SEL1L2: variants seen among roughly 807,000 people sequenced by gnomAD.
SEL1L2 encodes the protein SEL1L2 adaptor subunit of SYVN1 ubiquitin ligase.
In SEL1L2, 89 loss-of-function variants were observed where a neutral mutation model predicts 98.8. That is an observed-to-expected ratio of 0.90 (90% CI 0.76 to 1.07). The LOEUF (loss-of-function observed/expected upper bound fraction) is 1.07. Among genes scored for constraint, SEL1L2 ranks in the 50% least tolerant of loss-of-function variants. The pLI, the probability that SEL1L2 is intolerant of heterozygous loss-of-function variation, is 0.00. For missense variants in SEL1L2, 788 were observed against 812.0 expected, an observed-to-expected ratio of 0.97 and a Z score of 0.36; for synonymous variants, 262 against 278.5, an observed-to-expected ratio of 0.94 and a Z score of 0.59.
intron 1 of SEL1L2, among the ~76,000 whole-genome samples, chr20:13,977,677 T>C (rs2051609607): frequency 1.3e-5 from 2 of 152,002 alleles, no homozygotes; most frequent in African/African-American, 4.8e-5. Flanking sequence ...GATGCATGAG[T>C]ATTTATGTGT....
Position 13,887,943 on chromosome 20 carries a change from A to G in SEL1L2, c.662T>C (p.Leu221Ser). 3 of 1,613,656 alleles carry G rather than the reference A, an allele frequency of 1.9e-6. No individual in the cohort carries two copies. The highest frequency in any genetic ancestry group is 2.5e-6 in the Non-Finnish European group (3 of 1,179,688). ...AGGNMMSQMI[L>S]GYRYLSGINV... ...TCCAAGAATATTTTGTTTACAAACC[A>G]AAATCATCTGGGACATCATGTTTCC... is the stretch of plus-strand genomic sequence containing the variant. Residue 221 changes from leucine to serine, a missense_variant and splice_region_variant, in exon 7 of 20, where the codon TTG becomes TCG. Physicochemically the swap from Leu to Ser is moderately radical, Grantham distance 145 (BLOSUM62 -2). Transcript: ENST00000284951.
intron 5 of SEL1L2, among the ~76,000 whole-genome samples, chr20:13,901,636 T>C (rs1447744052): frequency 6.6e-6 from 1 of 151,578 alleles, no homozygotes; most frequent in Middle Eastern, 3.2e-3. Context: ...TTGTGGAATC[T>C]TTTTTTTAAA....
At chr20:13,877,118 C>T (rs775746519) in intron 11 of SEL1L2, among the ~76,000 whole-genome samples, 1 of 152,176 alleles carries the variant, frequency 6.6e-6, no homozygotes, top group Non-Finnish European at 1.5e-5. Context: ...AGCCACCGTG[C>T]CCGGCCAAGG....
At chr20:13,962,145 C>G (rs377613205) in intron 1 of SEL1L2, among the ~76,000 whole-genome samples, 12 of 152,226 alleles carry the variant, frequency 7.9e-5, no homozygotes, top group African/African-American at 2.9e-4. Flanking sequence ...TCGTTGAGGC[C>G]TAAGGGTGGA....
At chr20:13,948,910 A>G (rs1465315319) in intron 2 of SEL1L2, among the ~76,000 whole-genome samples, 3 of 152,258 alleles carry the variant, frequency 2.0e-5, no homozygotes, top group Non-Finnish European at 1.5e-5. Flanking sequence ...AACTCAGATA[A>G]AACAAATATA....
intron 1 of SEL1L2, among the ~76,000 whole-genome samples, chr20:13,962,260 ATT>A (rs1010625288): frequency 6.6e-6 from 1 of 152,092 alleles, no homozygotes; most frequent in Non-Finnish European, 1.5e-5. Context: ...GGAGATGGAG[ATT>A]ATTTTTTCCC....
At chr20:13,910,114 C>A (rs561955448) in intron 5 of SEL1L2, among the ~76,000 whole-genome samples, 2 of 152,236 alleles carry the variant, frequency 1.3e-5, no homozygotes, top group Non-Finnish European at 2.9e-5. Flanking sequence ...TCCTTGAGAC[C>A]AAAACACACG....
At chr20:13,860,692 T>G (rs1030653014) in intron 17 of SEL1L2, among the ~76,000 whole-genome samples, 8 of 152,050 alleles carry the variant, frequency 5.3e-5, no homozygotes, top group Admixed American at 2.6e-4. Context: ...CCTCCCCGCC[T>G]CTCTCCAACA....
In SEL1L2 at chr20:13,990,608, A is replaced by G. The variant is rs554626392; in HGVS notation, c.-74T>C. On this transcript the variant is annotated 5_prime_UTR_variant, in exon 1 of 20. Transcript: ENST00000284951. Reference sequence around the variant, plus strand: ...GATTGGCCCAAGAGCTCCTCTTCTCAGGGACTGTGGTGGGGGCAGGAGTCA... The same window carrying G: ...GATTGGCCCAAGAGCTCCTCTTCTCGGGGACTGTGGTGGGGGCAGGAGTCA... 96 of 1,193,264 alleles carry G rather than the reference A, an allele frequency of 8.0e-5. No homozygotes were observed. Among genetic ancestry groups the G allele is most frequent in the Non-Finnish European group, 1.1e-4 (89 of 808,446 alleles). The allele number at this position is 1,193,264 out of a possible 1,614,324, so 73.9% of individuals were successfully genotyped here. A position where few individuals can be genotyped will look rare whatever the true frequency, so the allele number is the denominator to read the frequency against.
chr20:13,942,288 T>C (rs1389705203), intron 2 of SEL1L2, among the ~76,000 whole-genome samples: 1 of 152,216 alleles, frequency 6.6e-6, no homozygotes, highest in East Asian at 1.9e-4. Context: ...TTTAAACCAC[T>C]ATATTTCTAA....
intron 5 of SEL1L2, among the ~76,000 whole-genome samples, chr20:13,909,270 T>A (rs2048114391): frequency 1.3e-5 from 2 of 152,210 alleles, no homozygotes; most frequent in Non-Finnish European, 2.9e-5. Context: ...TGGGCCAGCC[T>A]CATTAGAGAA....
At chr20:13,909,508 G>A (rs1438994017) in intron 5 of SEL1L2, among the ~76,000 whole-genome samples, 2 of 151,786 alleles carry the variant, frequency 1.3e-5, no homozygotes, top group Admixed American at 6.6e-5. Flanking sequence ...CTATAGTGCC[G>A]GGAGCAGGAT....
At chr20:13,909,327 A>T (rs1347510257) in intron 5 of SEL1L2, among the ~76,000 whole-genome samples, 3 of 152,224 alleles carry the variant, frequency 2.0e-5, no homozygotes. Context: ...GCAACCAGCC[A>T]TCAAACTATT....
chr20:13,915,131 A>C lies in SEL1L2; in HGVS notation c.387-1187T>G. On this transcript the variant is annotated intron_variant, in intron 4 of 19. Transcript: ENST00000284951. The stretch of plus-strand genomic sequence containing the variant: ...GATCAGGAGACTCACCTTTATGTAC[A>C]GCCCATCCATGCTGAGGCTAAAATA... 2.3e-6 allele frequency: 3 copies of C among 1,289,786 alleles called. No homozygotes were observed. The South Asian group carries it at 3.7e-5, about 16-fold the overall frequency. 79.9% of individuals were successfully genotyped at this position (1,289,786 alleles called of 1,614,324 possible).
At chr20:13,983,696 T>A (rs2148563694) in intron 1 of SEL1L2, among the ~76,000 whole-genome samples, 1 of 152,060 alleles carries the variant, frequency 6.6e-6, no homozygotes, top group Non-Finnish European at 1.5e-5. Context: ...TAATTTTGTA[T>A]TTTTAGTAGA....
At chr20:13,937,032 T>C (rs911106707) in intron 2 of SEL1L2, among the ~76,000 whole-genome samples, 11 of 152,264 alleles carry the variant, frequency 7.2e-5, no homozygotes, top group Admixed American at 3.9e-4. Context: ...AGCCAAACTC[T>C]TCTACTCCCT....
intron 5 of SEL1L2, among the ~76,000 whole-genome samples, chr20:13,895,784 T>C (rs1174618943): frequency 6.6e-6 from 1 of 152,180 alleles, no homozygotes; most frequent in East Asian, 1.9e-4. Flanking sequence ...GTTATCCAAA[T>C]TGGAAAGGAA....
chr20:13,867,089 A>T (rs1323394616), intron 14 of SEL1L2, among the ~76,000 whole-genome samples: 3 of 152,206 alleles, frequency 2.0e-5, no homozygotes, highest in African/African-American at 7.2e-5. Flanking sequence ...TTGAGAAAGA[A>T]GGACTACTTC....
At chr20:13,859,867 C>CT (rs1201993010) in intron 17 of SEL1L2, among the ~76,000 whole-genome samples, 1 of 151,788 alleles carries the variant, frequency 6.6e-6, no homozygotes, top group Non-Finnish European at 1.5e-5. Context: ...GCCCGGCTAA[C>CT]TTTTTTTTGC....
Sources: gnomAD v4.1 joint callset for allele counts (sites outside exome capture counted in the v4.1 genomes callset) on GRCh38, gnomAD v4.1.1 for gene constraint, MANE v1.5 for transcripts, NCBI Gene and HGNC (gene_info 2026-07-23, HGNC 2026-07-21) for gene names.